The following FZD1 variants were observed in gnomAD, a reference collection of about 807,000 sequenced individuals.
FZD1 encodes the protein frizzled class receptor 1.
FZD1 carries 22 observed loss-of-function variants against 48.0 expected under a neutral mutation model. The observed-to-expected ratio is 0.46, with a 90% CI of 0.33 to 0.65. The LOEUF (loss-of-function observed/expected upper bound fraction) is 0.65, where lower values mean the gene tolerates loss of function less well. Ranked by LOEUF, FZD1 falls within the 30% of genes least tolerant of loss-of-function variation. The pLI, the probability that FZD1 is intolerant of heterozygous loss-of-function variation, is 0.02. For synonymous variants in FZD1, 486 were observed against 409.6 expected (o/e 1.19, Z -2.25); for missense variants, 843 against 898.1 (o/e 0.94, Z 0.78).
Position 91,265,643 on chromosome 7 carries a change from G to GGCGGAGGGCACCGTGGCGGCTTC in FZD1, c.764_786dup (p.Pro263AlafsTer153). On this transcript the variant is annotated frameshift_variant, in exon 1 of 1. Coordinates refer to ENST00000287934, the MANE Select transcript of FZD1 (RefSeq NM_003505.2). LOFTEE classifies it high-confidence loss of function. The surrounding 1 kb of genome is among the most constrained non-coding windows in gnomAD (Gnocchi z 6.9). The stretch of plus-strand genomic sequence containing the variant: ...CTGGACCAGCAACCCTCAGCACGGC[G>GGCGGAGGGCACCGTGGCGGCTTC]GCGGAGGGCACCGTGGCGGCTTCCC... The GGCGGAGGGCACCGTGGCGGCTTC allele has an allele frequency of 6.3e-7, 1 of 1,576,222 alleles. No individual in the cohort carries two copies. The highest frequency in any genetic ancestry group is 1.1e-5 in the South Asian group (1 of 88,006).
rs919419845 is a variant in FZD1, at chr7:91,265,672, G to C, written c.792G>C (p.Gly264=). ...GGGGHRGGFP[G]GAGASERGKF... ...GAGGGCACCGTGGCGGCTTCCCGGG[G>C]GGCGCCGGCGCGTCGGAGCGAGGCA... Residue 264 remains glycine, a synonymous_variant, in exon 1 of 1, where the codon GGG becomes GGC. Coordinates refer to ENST00000287934, the MANE Select transcript of FZD1 (RefSeq NM_003505.2). This position sits in a 1 kb window ranked among gnomAD's most constrained non-coding sequence, Gnocchi z 6.9. 20 of 1,569,232 alleles carry C rather than the reference G, an allele frequency of 1.3e-5. No individual in the cohort carries two copies. The highest frequency in any genetic ancestry group is 1.7e-5 in the Non-Finnish European group (20 of 1,160,424).
Position 91,264,480 on chromosome 7 carries a change from G to T in FZD1, c.-401G>T. On this transcript the variant is annotated 5_prime_UTR_variant, in exon 1 of 1. Coordinates refer to ENST00000287934, the MANE Select transcript of FZD1 (RefSeq NM_003505.2). The stretch of plus-strand genomic sequence containing the variant: ...AGGAGAGGGAGCGAGTTGAGGGATT[G>T]ACACAAATGGTCAGGCGGCGGCGGC... 1 of 282,026 alleles carries T rather than the reference G, an allele frequency of 3.5e-6. No individual in the cohort carries two copies. The highest frequency in any genetic ancestry group is 1.6e-4 in the South Asian group (1 of 6,380). 17.5% of individuals were successfully genotyped at this position (282,026 alleles called of 1,614,324 possible). A position where few individuals can be genotyped will look rare whatever the true frequency, so the allele number is the denominator to read the frequency against.
rs1361012717 is a variant in FZD1, at chr7:91,265,515, C to T, written c.635C>T (p.Thr212Met). 1.9e-6 allele frequency: 3 copies of T among 1,612,364 alleles called. No homozygotes were observed. Among genetic ancestry groups the T allele is most frequent in the South Asian group, 2.2e-5 (2 of 91,090 alleles). ...AAGTTCGGCTTCCAGTGGCCAGACA[C>T]GCTCAAGTGTGAGAAGTTCCCGGTG... The part of the protein sequence containing the change: ...MNKFGFQWPD[T>M]LKCEKFPVHG... Residue 212 changes from threonine to methionine, a missense_variant, in exon 1 of 1, where the codon ACG becomes ATG. Thr to Met is a moderately conservative substitution (Grantham distance 81). Around this residue, in one of 2 missense-constraint regions of FZD1, gnomAD observed 490 missense variants for 466.5 expected, o/e 1.05. Transcript: ENST00000287934. This position sits in a 1 kb window ranked among gnomAD's most constrained non-coding sequence, Gnocchi z 6.9.
rs575697063 is a variant in FZD1 at position 91,267,274 on chromosome 7, C to A, written c.*450C>A. 86 of 169,680 alleles carry A rather than the reference C, an allele frequency of 5.1e-4. No homozygotes were observed. The highest frequency in any genetic ancestry group is 1.9e-3 in the African/African-American group (80 of 41,590). The allele number at this position is 169,680 out of a possible 1,614,324, so 10.5% of individuals were successfully genotyped here. A position where few individuals can be genotyped will look rare whatever the true frequency, so the allele number is the denominator to read the frequency against. On this transcript the variant is annotated 3_prime_UTR_variant, in exon 1 of 1. Coordinates refer to ENST00000287934, the MANE Select transcript of FZD1 (RefSeq NM_003505.2). ...TGTGCAACCGCACAGCGCTCCTGGT[C>A]GTCCTCGCGCGCCTCTCCCTACCAC...
In FZD1 at chr7:91,267,076, C is replaced by T. The variant is rs1584244753; in HGVS notation, c.*252C>T. ...CACACTCTGGTACCAGGACTGTTCG[C>T]TTTTATGATTGTAAATAGCCTGTGT... is the stretch of plus-strand genomic sequence containing the variant. On this transcript the variant is annotated 3_prime_UTR_variant, in exon 1 of 1. Coordinates refer to ENST00000287934, the MANE Select transcript of FZD1 (RefSeq NM_003505.2). The T allele has an allele frequency of 7.4e-6, 3 of 406,908 alleles. No homozygotes were observed. Among genetic ancestry groups the T allele is most frequent in the East Asian group, 7.8e-5 (2 of 25,572 alleles). 25.2% of individuals were successfully genotyped at this position (406,908 alleles called of 1,614,324 possible).
chr7:91,265,465 C>G lies in FZD1; in HGVS notation c.585C>G (p.Arg195=). The G allele has an allele frequency of 1.2e-6, 2 of 1,613,162 alleles. No individual in the cohort carries two copies. The highest frequency in any genetic ancestry group is 1.7e-6 in the Non-Finnish European group (2 of 1,179,698). ...PPCRSLCERA[R]QGCEALMNKF... Reference sequence around the variant, plus strand: ...GCCGCTCCCTGTGCGAGCGCGCGCGCCAGGGCTGCGAGGCGCTCATGAACA... The same window carrying G: ...GCCGCTCCCTGTGCGAGCGCGCGCGGCAGGGCTGCGAGGCGCTCATGAACA... The change falls in exon 1 of 1, where the codon CGC becomes CGG. Residue 195 remains arginine (R), a synonymous_variant. Transcript: ENST00000287934. The surrounding 1 kb of genome is among the most constrained non-coding windows in gnomAD (Gnocchi z 6.9).
chr7:91,265,200 G>A lies in FZD1; in HGVS notation c.320G>A (p.Gly107Asp). Residue 107 changes from glycine (G) to aspartate (D), a missense_variant, in exon 1 of 1, where the codon GGC (glycine) becomes GAC (aspartate). Physicochemically the swap from Gly to Asp is moderately conservative, Grantham distance 94. This residue lies in a region of FZD1 where 490 missense variants were observed against 466.5 expected (regional missense o/e 1.05). Transcript: ENST00000287934. This position sits in a 1 kb window ranked among gnomAD's most constrained non-coding sequence, Gnocchi z 6.9. ...QSGQQYNGER[G>D]ISVPDHGYCQ... ...GGGCAGCAGTACAACGGCGAGCGGG[G>A]CATCTCCGTCCCGGACCACGGCTAT... 1.2e-6 allele frequency: 2 copies of A among 1,613,516 alleles called. No individual in the cohort carries two copies. The highest frequency in any genetic ancestry group is 1.7e-6 in the Non-Finnish European group (2 of 1,179,896).
rs1347593107 is a variant in FZD1, at chr7:91,270,965, T to C, written c.*4141T>C. ...TAAGACATGGAATATATATAAGAAT[T>C]ATCTAGTTACATGACTAAAAAGGAA... On this transcript the variant is annotated 3_prime_UTR_variant, in exon 1 of 1. Coordinates refer to ENST00000287934, the MANE Select transcript of FZD1 (RefSeq NM_003505.2). 1.2e-5 allele frequency: 2 copies of C among 167,032 alleles called. No individual in the cohort carries two copies. Among genetic ancestry groups the C allele is most frequent in the East Asian group, 3.8e-4 (2 of 5,202 alleles). The allele number at this position is 167,032 out of a possible 1,614,324, so 10.3% of individuals were successfully genotyped here.
chr7:91,264,886 TGAG>T lies in FZD1; in HGVS notation c.14_16del (p.Glu5del), dbSNP rs1300621336. 2.3e-6 allele frequency: 3 copies of T among 1,307,242 alleles called. No homozygotes were observed. The highest frequency in any genetic ancestry group is 4.1e-5 in the Admixed American group (1 of 24,274). The allele number at this position is 1,307,242 out of a possible 1,614,324, so 81.0% of individuals were successfully genotyped here. On this transcript the variant is annotated inframe_deletion, in exon 1 of 1. Coordinates refer to ENST00000287934, the MANE Select transcript of FZD1 (RefSeq NM_003505.2). ...AAGAGAGGAGCCGAGAAAGTATGGC[TGAG>T]GAGGAGGCGCCTAAGAAGTCCCGGG...
rs759080221 is a variant in FZD1, at chr7:91,265,108, C to G, written c.228C>G (p.Gly76=). The part of the protein sequence containing the change: ...LLLGVRAQAA[G]QGPGQGPGPG... ...TGGGGGTCCGGGCCCAGGCGGCGGG[C>G]CAGGGGCCAGGCCAGGGGCCCGGGC... The change falls in exon 1 of 1, where the codon GGC becomes GGG. Residue 76 remains glycine (G), a synonymous_variant. Transcript: ENST00000287934. The surrounding 1 kb of genome is among the most constrained non-coding windows in gnomAD (Gnocchi z 6.9). 14 of 1,456,156 alleles carry G rather than the reference C, an allele frequency of 9.6e-6. No homozygotes were observed. In the East Asian group the frequency reaches 3.2e-4, roughly 33 times the overall value. 90.2% of individuals were successfully genotyped at this position (1,456,156 alleles called of 1,614,324 possible).
Position 91,268,650 on chromosome 7 carries a change from A to G in FZD1, c.*1826A>G, listed in dbSNP as rs10282617. 480 of 166,526 alleles carry G rather than the reference A, an allele frequency of 2.9e-3. 4 individuals carry two copies. Among genetic ancestry groups the G allele is most frequent in the African/African-American group, 0.011 (460 of 41,590 alleles). 10.3% of individuals were successfully genotyped at this position (166,526 alleles called of 1,614,324 possible). On this transcript the variant is annotated 3_prime_UTR_variant, in exon 1 of 1. Transcript: ENST00000287934. Reference sequence around the variant, plus strand: ...AAATCATCTATATTTATAGAGGAATAGAAGTTTATATATATATAATACCAT... The same window carrying G: ...AAATCATCTATATTTATAGAGGAATGGAAGTTTATATATATATAATACCAT...
At position 91,266,861 on chromosome 7, in the gene FZD1, G is replaced by A; in HGVS notation, c.*37G>A. 1 of 1,377,828 alleles carries A rather than the reference G, an allele frequency of 7.3e-7. No individual in the cohort carries two copies. Among genetic ancestry groups the A allele is most frequent in the South Asian group, 1.4e-5 (1 of 73,630 alleles). The allele number at this position is 1,377,828 out of a possible 1,614,324, so 85.4% of individuals were successfully genotyped here. A position where few individuals can be genotyped will look rare whatever the true frequency, so the allele number is the denominator to read the frequency against. Reference sequence around the variant, plus strand: ...CAGCCCATGCCCAGGCCTCGGCCGGGGCGCAGCGATCCCCCAAAGCCAGCG... The same window carrying A: ...CAGCCCATGCCCAGGCCTCGGCCGGAGCGCAGCGATCCCCCAAAGCCAGCG... On this transcript the variant is annotated 3_prime_UTR_variant, in exon 1 of 1. Coordinates refer to ENST00000287934, the MANE Select transcript of FZD1 (RefSeq NM_003505.2). This position sits in a 1 kb window ranked among gnomAD's most constrained non-coding sequence, Gnocchi z 6.8.
At position 91,270,037 on chromosome 7, in the gene FZD1, C is replaced by G. The variant is rs1226760519; in HGVS notation, c.*3213C>G. On this transcript the variant is annotated 3_prime_UTR_variant, in exon 1 of 1. Coordinates refer to ENST00000287934, the MANE Select transcript of FZD1 (RefSeq NM_003505.2). ...TCTAAATGATGATGCATATAGAAAA[C>G]CAGTGTATTCTTTTATTTCTTTTAA... 1.2e-5 allele frequency: 2 copies of G among 166,962 alleles called. No homozygotes were observed. The highest frequency in any genetic ancestry group is 4.8e-5 in the African/African-American group (2 of 41,406). 10.3% of individuals were successfully genotyped at this position (166,962 alleles called of 1,614,324 possible). A position where few individuals can be genotyped will look rare whatever the true frequency, so the allele number is the denominator to read the frequency against.
rs1031460579 is a variant in FZD1 at position 91,270,860 on chromosome 7, C to T, written c.*4036C>T. 6 of 166,952 alleles carry T rather than the reference C, an allele frequency of 3.6e-5. No homozygotes were observed. Among genetic ancestry groups the T allele is most frequent in the East Asian group, 3.8e-4 (2 of 5,200 alleles). 10.3% of individuals were successfully genotyped at this position (166,952 alleles called of 1,614,324 possible). A position where few individuals can be genotyped will look rare whatever the true frequency, so the allele number is the denominator to read the frequency against. On this transcript the variant is annotated 3_prime_UTR_variant, in exon 1 of 1. Coordinates refer to ENST00000287934, the MANE Select transcript of FZD1 (RefSeq NM_003505.2). ...AGTCGTACGTATGTCTAGAGGTGGA[C>T]GCTGGTGATATTGTCATTGAATACT...
Position 91,266,737 on chromosome 7 carries a change from C to G in FZD1, c.1857C>G (p.Phe619Leu). ...MTLIVGITSG[F>L]WIWSGKTLNS... is the part of the protein sequence containing the mutation. ...TGATCGTGGGCATCACGTCGGGCTT[C>G]TGGATCTGGTCCGGCAAGACCCTCA... The change falls in exon 1 of 1, where the codon TTC (phenylalanine) becomes TTG (leucine). Residue 619 changes from phenylalanine to leucine, a missense_variant. Physicochemically the swap from Phe to Leu is conservative, Grantham distance 22. Transcript: ENST00000287934. This position sits in a 1 kb window ranked among gnomAD's most constrained non-coding sequence, Gnocchi z 6.8. 9 of 1,613,680 alleles carry G rather than the reference C, an allele frequency of 5.6e-6. No homozygotes were observed. Among genetic ancestry groups the G allele is most frequent in the Non-Finnish European group, 7.6e-6 (9 of 1,179,892 alleles).
chr7:91,269,928 G>C lies in FZD1; in HGVS notation c.*3104G>C, dbSNP rs777074329. The C allele has an allele frequency of 6.0e-6, 1 of 167,044 alleles. No individual in the cohort carries two copies. The highest frequency in any genetic ancestry group is 1.5e-5 in the Non-Finnish European group (1 of 68,102). 10.3% of individuals were successfully genotyped at this position (167,044 alleles called of 1,614,324 possible). On this transcript the variant is annotated 3_prime_UTR_variant, in exon 1 of 1. Transcript: ENST00000287934. ...ATGATGTAACTATAAATTTGATGCA[G>C]AAAGGTTTTACATGCTGTGGTTAAA...
Position 91,266,451 on chromosome 7 carries a change from G to C in FZD1, c.1571G>C (p.Gly524Ala), listed in dbSNP as rs746509834. The stretch of plus-strand genomic sequence containing the variant: ...ATCCGCACCATCATGAAGCACGATG[G>C]CACCAAGACCGAGAAGCTGGAGAAG... ...FRIRTIMKHD[G>A]TKTEKLEKLM... The change falls in exon 1 of 1, where the codon GGC becomes GCC. Residue 524 changes from glycine (G) to alanine (A), a missense_variant. Gly to Ala is a moderately conservative substitution (Grantham distance 60). Around this residue, in one of 2 missense-constraint regions of FZD1, gnomAD observed 353 missense variants for 431.6 expected, o/e 0.82. Transcript: ENST00000287934. This position sits in a 1 kb window ranked among gnomAD's most constrained non-coding sequence, Gnocchi z 6.8. The C allele has an allele frequency of 2.5e-6, 4 of 1,614,108 alleles. No individual in the cohort carries two copies. Among genetic ancestry groups the C allele is most frequent in the Non-Finnish European group, 2.5e-6 (3 of 1,180,038 alleles).
At position 91,265,240 on chromosome 7, in the gene FZD1, C is replaced by G. The variant is rs1803854382; in HGVS notation, c.360C>G (p.Ser120=). The part of the protein sequence containing the change: ...VPDHGYCQPI[S]IPLCTDIAYN... ...ACCACGGCTATTGCCAGCCCATCTCCATCCCGCTGTGCACGGACATCGCGT... is the reference window on the plus strand; with the variant it reads ...ACCACGGCTATTGCCAGCCCATCTCGATCCCGCTGTGCACGGACATCGCGT... Residue 120 remains serine (S), a synonymous_variant, in exon 1 of 1, where the codon TCC becomes TCG. Transcript: ENST00000287934. This position sits in a 1 kb window ranked among gnomAD's most constrained non-coding sequence, Gnocchi z 6.9. 5 of 1,614,116 alleles carry G rather than the reference C, an allele frequency of 3.1e-6. No individual in the cohort carries two copies. In the East Asian group the frequency reaches 1.1e-4, roughly 36 times the overall value.
At position 91,268,568 on chromosome 7, in the gene FZD1, C is replaced by T. The variant is rs192352194; in HGVS notation, c.*1744C>T. On this transcript the variant is annotated 3_prime_UTR_variant, in exon 1 of 1. Coordinates refer to ENST00000287934, the MANE Select transcript of FZD1 (RefSeq NM_003505.2). The stretch of plus-strand genomic sequence containing the variant: ...CCTAAATTTATCTATGTCTGTCATA[C>T]GCTAAAATGATATTGGTCTTTGAAT... The T allele has an allele frequency of 1.8e-5, 3 of 164,228 alleles. No individual in the cohort carries two copies. Among genetic ancestry groups the T allele is most frequent in the South Asian group, 4.1e-4 (2 of 4,826 alleles). 10.2% of individuals were successfully genotyped at this position (164,228 alleles called of 1,614,324 possible).
Sources: gnomAD v4.1 joint callset for allele counts on GRCh38, gnomAD v4.1.1 for gene constraint, gnomAD v4.1.1 regional missense constraint, Gnocchi (gnomAD v3.1) non-coding constraint, MANE v1.5 for transcripts, NCBI Gene and HGNC (gene_info 2026-07-23, HGNC 2026-07-21) for gene names.